Variants in ATG16L2 observed in about 807,000 individuals in gnomAD.
The protein encoded by ATG16L2 is protein Atg16l2.
A neutral mutation model predicts 84.7 loss-of-function variants in ATG16L2; 77 were observed. That is an observed-to-expected ratio of 0.91 (90% CI 0.76 to 1.10). The LOEUF is 1.10. Among genes scored for constraint, ATG16L2 ranks in the 50% least tolerant of loss-of-function variants. ATG16L2 has a pLI of 0.00. For missense variants in ATG16L2, 782 were observed against 817.6 expected, an observed-to-expected ratio of 0.96 and a Z score of 0.53; for synonymous variants, 361 against 342.8, an observed-to-expected ratio of 1.05 and a Z score of -0.59.
At chr11:72,831,587 C>T (rs1178061375), downstream of ATG16L2, among the ~76,000 whole-genome samples, 1 of 152,204 alleles carries the variant, frequency 6.6e-6, no homozygotes, top group African/African-American at 2.4e-5. Context: ...CTTCGATACT[C>T]AGCCTTCTAC....
At chr11:72,842,587 A>G in intron 5 of ATG16L2, 5 of 1,612,604 alleles carry the variant, frequency 3.1e-6, no homozygotes, top group Middle Eastern at 3.3e-4. Context: ...TTCTTTAAAC[A>G]TCTTTTAATT....
At chr11:72,838,159 A>G (rs893114234) in intron 5 of ATG16L2, 2 of 152,452 alleles carry the variant, frequency 1.3e-5, no homozygotes, top group African/African-American at 4.8e-5. Flanking sequence ...AGATATTAAT[A>G]CGAAGGACAC....
At chr11:72,842,629 C>G (rs570031472) in exon 6 of ATG16L2, 1 of 1,614,034 alleles carries the variant, frequency 6.2e-7, no homozygotes, top group Non-Finnish European at 8.5e-7. Context: ...ACCTGAATCT[C>G]TCTCATCCAT....
intron 3 of ATG16L2, chr11:72,818,076 G>A: frequency 1.8e-6 from 1 of 556,766 alleles, no homozygotes; most frequent in Non-Finnish European, 3.2e-6. Context: ...GAGGGAGTTA[G>A]GTGTGCAAGG....
rs1456517544 is a variant in ATG16L2, at chr11:72,816,797, G to C, written c.188G>C (p.Ser63Thr). ...AAGAAGCTGCAGCCGGAGCCAAACA[G>C]TGTCACTCCCACCACCCACCAGGGC... Reference protein sequence around the residue: ...FSKKLQPEPNSVTPTTHQGPW... With the variant: ...FSKKLQPEPNTVTPTTHQGPW... The change falls in exon 2 of 18, where the codon AGT becomes ACT. Residue 63 changes from serine (S) to threonine (T), a missense_variant. Ser to Thr is a moderately conservative substitution (Grantham distance 58). Transcript: ENST00000321297. 1 of 1,614,236 alleles carries C rather than the reference G, an allele frequency of 6.2e-7. No homozygotes were observed. The highest frequency in any genetic ancestry group is 8.5e-7 in the Non-Finnish European group (1 of 1,180,034).
At chr11:72,828,801 G>C (rs977705949) in intron 16 of ATG16L2, 25 bp downstream of exon 16, 1 of 1,614,068 alleles carries the variant, frequency 6.2e-7, no homozygotes, top group Admixed American at 1.7e-5. Context: ...GCATATGCCT[G>C]TGTCCAAGTG....
intron 7 of ATG16L2, chr11:72,823,664 A>G (rs1276013839): frequency 4.4e-6 from 2 of 456,456 alleles, no homozygotes; most frequent in Admixed American, 4.7e-5. Context: ...ATTGTAGGAC[A>G]CACCCTCTCC....
rs553090628 is a variant in ATG16L2 at position 72,814,769 on chromosome 11, C to T, written c.118+206C>T. Among the ~76,000 whole-genome samples the T allele has an allele frequency of 5.9e-5, 9 of 152,348 alleles. 2 individuals are homozygous for T. Among genetic ancestry groups the T allele is most frequent in the South Asian group, 2.1e-4 (1 of 4,830 alleles). The stretch of plus-strand genomic sequence containing the variant: ...AGAACCTGGACGAGCCCCTCCTGGT[C>T]CCCCTGCCCTCGTCGCCCCTCAGGA... On this transcript the variant is annotated intron_variant, in intron 1 of 17. Coordinates refer to ENST00000321297, the MANE Select transcript of ATG16L2 (RefSeq NM_033388.2).
rs1860560623 is a variant in ATG16L2 at position 72,829,626 on chromosome 11, GA to G, written c.*237del. 4 of 1,341,624 alleles carry G rather than the reference GA, an allele frequency of 3.0e-6. No homozygotes were observed. The highest frequency in any genetic ancestry group is 1.5e-5 in the African/African-American group (1 of 67,308). 83.1% of individuals were successfully genotyped at this position (1,341,624 alleles called of 1,614,324 possible). On this transcript the variant is annotated 3_prime_UTR_variant, in exon 18 of 18. Coordinates refer to ENST00000321297, the MANE Select transcript of ATG16L2 (RefSeq NM_033388.2). The stretch of plus-strand genomic sequence containing the variant: ...TTTTTCTCCCAAAGTAGAAAAAAAT[GA>G]TATCTGAACTGCGTCTGCCTACCTC...
chr11:72,828,515 GC>G lies in ATG16L2; in HGVS notation c.1622+9del, dbSNP rs767464019. The G allele has an allele frequency of 4.3e-6, 7 of 1,614,170 alleles. No homozygotes were observed. In the Middle Eastern group the frequency reaches 1.2e-3, roughly 266 times the overall value. ...ACATCCGCCAGGTGTTCAGGTACCA[GC>G]CTCATGCCTGCTGACCCTGTGGCCT... On this transcript the variant is annotated splice_region_variant and intron_variant, in intron 15 of 17. Coordinates refer to ENST00000321297, the MANE Select transcript of ATG16L2 (RefSeq NM_033388.2).
rs1363301719 is a variant in ATG16L2, at chr11:72,826,342, C to G, written c.1173+99C>G. 3.4e-6 allele frequency: 5 copies of G among 1,449,558 alleles called. 1 individual carries two copies. The highest frequency in any genetic ancestry group is 1.2e-5 in the South Asian group (1 of 81,836). The allele number at this position is 1,449,558 out of a possible 1,614,324, so 89.8% of individuals were successfully genotyped here. A position where few individuals can be genotyped will look rare whatever the true frequency, so the allele number is the denominator to read the frequency against. Reference sequence around the variant, plus strand: ...GACCTGAGGGCGCAACATGGATACCCTAGAACCAGGCCCCTGGGCTCTTAC... The same window carrying G: ...GACCTGAGGGCGCAACATGGATACCGTAGAACCAGGCCCCTGGGCTCTTAC... On this transcript the variant is annotated intron_variant, in intron 11 of 17. Transcript: ENST00000321297.
intron 5 of ATG16L2, chr11:72,841,315 G>T: frequency 1.2e-6 from 1 of 829,384 alleles, no homozygotes; most frequent in Non-Finnish European, 1.7e-6. Flanking sequence ...TGGGTGTCCA[G>T]CCCAGGTGAC....
intron 5 of ATG16L2, among the ~76,000 whole-genome samples, chr11:72,839,536 G>A (rs1860842540): frequency 6.6e-6 from 1 of 152,102 alleles, no homozygotes; most frequent in Admixed American, 6.6e-5. Context: ...GTAGAGAAGT[G>A]GAAAGATTTG....
At position 72,825,405 on chromosome 11, in the gene ATG16L2, G is replaced by T. The variant is rs770828941; in HGVS notation, c.1100G>T (p.Gly367Val). 6.2e-7 allele frequency: 1 copy of T among 1,611,148 alleles called. No homozygotes were observed. Among genetic ancestry groups the T allele is most frequent in the Non-Finnish European group, 8.5e-7 (1 of 1,179,748 alleles). The change falls in exon 10 of 18, where the codon GGA becomes GTA. Residue 367 changes from glycine to valine, a missense_variant and splice_region_variant. Coordinates refer to ENST00000321297, the MANE Select transcript of ATG16L2 (RefSeq NM_033388.2). ...DRLIHLWNVVGSRLEANQTLE... is the reference protein window; with the variant it reads ...DRLIHLWNVVVSRLEANQTLE... ...CTGATCCACCTCTGGAATGTTGTGG[G>T]AAGTAAGGAGCCCTCCCCTGCCGGC...
Position 72,816,815 on chromosome 11 carries a change from A to G in ATG16L2, c.206A>G (p.His69Arg), listed in dbSNP as rs180875949. The G allele has an allele frequency of 2.5e-4, 408 of 1,614,070 alleles. No homozygotes were observed. The highest frequency in any genetic ancestry group is 3.2e-4 in the Non-Finnish European group (378 of 1,179,948). ...CCAAACAGTGTCACTCCCACCACCC[A>G]CCAGGGCCCCTGGTAAGTGTATGTG... The part of the protein sequence containing the change: ...PEPNSVTPTT[H>R]QGPWEESELD... The change falls in exon 2 of 18, where the codon CAC (histidine) becomes CGC (arginine). Residue 69 changes from histidine (H) to arginine (R), a missense_variant. Transcript: ENST00000321297.
chr11:72,816,803 C>T lies in ATG16L2; in HGVS notation c.194C>T (p.Thr65Ile), dbSNP rs1859722894. Reference sequence around the variant, plus strand: ...CTGCAGCCGGAGCCAAACAGTGTCACTCCCACCACCCACCAGGGCCCCTGG... The same window carrying T: ...CTGCAGCCGGAGCCAAACAGTGTCATTCCCACCACCCACCAGGGCCCCTGG... The part of the protein sequence containing the change: ...KKLQPEPNSV[T>I]PTTHQGPWEE... The change falls in exon 2 of 18, where the codon ACT becomes ATT. Residue 65 changes from threonine (T) to isoleucine (I), a missense_variant. Coordinates refer to ENST00000321297, the MANE Select transcript of ATG16L2 (RefSeq NM_033388.2). The T allele has an allele frequency of 6.2e-7, 1 of 1,614,232 alleles. No homozygotes were observed. Among genetic ancestry groups the T allele is most frequent in the Non-Finnish European group, 8.5e-7 (1 of 1,180,022 alleles).
chr11:72,843,308 T>C, exon 6 of ATG16L2: 1 of 1,613,798 alleles, frequency 6.2e-7, no homozygotes, highest in Non-Finnish European at 8.5e-7. Flanking sequence ...CATAACCCAC[T>C]TGGCCAACTT....
chr11:72,819,009 CA>C (rs1859832824), intron 3 of ATG16L2: 1 of 152,228 alleles, frequency 6.6e-6, no homozygotes, highest in Non-Finnish European at 1.5e-5. Context: ...ACACCACCCC[CA>C]GCCTCTGGGC....
intron 8 of ATG16L2, 41 bp downstream of exon 8, chr11:72,824,163 C>T (rs760297673): frequency 6.8e-6 from 11 of 1,612,426 alleles, no homozygotes; most frequent in South Asian, 3.3e-5. Flanking sequence ...ACGTGTGTGT[C>T]GGGCTCCCCA....
Sources: allele counts gnomAD v4.1 joint callset (sites outside exome capture counted in the v4.1 genomes callset), GRCh38; gene constraint gnomAD v4.1.1; transcripts MANE v1.5; gene names NCBI Gene and HGNC (gene_info 2026-07-23, HGNC 2026-07-21).